Variants in AGBL5 observed in about 807,000 individuals in gnomAD.
The protein encoded by AGBL5 is AGBL carboxypeptidase 5, also known as cytosolic carboxypeptidase-like protein 5.
A neutral mutation model predicts 88.0 loss-of-function variants in AGBL5; 51 were observed. The observed-to-expected ratio is 0.58, with a 90% CI of 0.46 to 0.73. AGBL5 has a LOEUF of 0.73. Among genes scored for constraint, AGBL5 ranks in the 30% least tolerant of loss-of-function variants. The pLI, the probability that AGBL5 is intolerant of heterozygous loss-of-function variation, is 0.00. For synonymous variants in AGBL5, 446 were observed against 438.8 expected (o/e 1.02, Z -0.21); for missense variants, 1,031 against 1,162.2 (o/e 0.89, Z 1.64).
Position 27,067,651 on chromosome 2 carries a change from G to T in AGBL5, c.2242+5G>T. 1 of 1,611,666 alleles carries T rather than the reference G, an allele frequency of 6.2e-7. No homozygotes were observed. Among genetic ancestry groups the T allele is most frequent in the Non-Finnish European group, 8.5e-7 (1 of 1,178,310 alleles). ...CTGATTCATTCAACATACCAGGTCT[G>T]TACCCACTGCCACTGAAATCTGGGT... On this transcript the variant is annotated splice_donor_5th_base_variant and intron_variant, in intron 12 of 14. Coordinates refer to ENST00000360131, the MANE Select transcript of AGBL5 (RefSeq NM_021831.6).
chr2:27,067,716 C>CTAGTTGGGAGGCCAGGTTCTTTAAGCT, intron 12 of AGBL5, 70 bp downstream of exon 12: 1 of 1,579,864 alleles, frequency 6.3e-7, no homozygotes, highest in Non-Finnish European at 8.7e-7. Context: ...TTCTTTAAGC[C>CTAGTTGGGAGGCCAGGTTCTTTAAGCT]TAGTTGGGAG....
At chr2:27,051,194 G>A (rs1337481438), upstream of AGBL5, among the ~76,000 whole-genome samples, 8 of 152,180 alleles carry the variant, frequency 5.3e-5, no homozygotes, top group Non-Finnish European at 8.8e-5. Flanking sequence ...AAGGCAAAGG[G>A]AAAGAACTAA....
rs759747402 is a variant in AGBL5, at chr2:27,070,300, A to G, written c.*37A>G. On this transcript the variant is annotated 3_prime_UTR_variant, in exon 15 of 15. Coordinates refer to ENST00000360131, the MANE Select transcript of AGBL5 (RefSeq NM_021831.6). ...TGTTCAAGCCCAGGATATAGCCCCA[A>G]GATGGGGTAACAGTGGGAAATATGC... The G allele has an allele frequency of 3.1e-6, 5 of 1,601,222 alleles. No homozygotes were observed. The highest frequency in any genetic ancestry group is 4.3e-6 in the Non-Finnish European group (5 of 1,168,708).
chr2:27,062,435 T>A (rs1668760495), intron 11 of AGBL5: 1 of 152,158 alleles, frequency 6.6e-6, no homozygotes, highest in African/African-American at 2.4e-5. Context: ...TAGGCACTTT[T>A]TAATCACTAT....
intron 12 of AGBL5, 87 bp from the exon 13 acceptor site, chr2:27,068,545 G>A (rs898372727): frequency 6.8e-6 from 8 of 1,168,452 alleles, no homozygotes; most frequent in Admixed American, 6.6e-5. Context: ...AATTGTCAAC[G>A]TGCCAAGGTT....
intron 8 of AGBL5, chr2:27,057,075 C>A: frequency 1.8e-6 from 1 of 552,232 alleles, no homozygotes; most frequent in Non-Finnish European, 3.1e-6. Context: ...AAAAGAGAAC[C>A]TCACAATTAG....
chr2:27,064,722 A>AT (rs753038634), intron 11 of AGBL5, among the ~76,000 whole-genome samples: 1,176 of 80,396 alleles, frequency 0.015, 16 homozygotes, highest in African/African-American at 0.049. Context: ...TTTCCATTCA[A>AT]TTTTTTTTTT....
intron 11 of AGBL5, among the ~76,000 whole-genome samples, chr2:27,064,470 ATTTCT>A (rs1256823588): frequency 1.3e-5 from 2 of 149,804 alleles, no homozygotes; most frequent in African/African-American, 4.9e-5. Context: ...TGATTTTTGT[ATTTCT>A]TTTTTTAGTA....
At chr2:27,059,099 G>A in intron 10 of AGBL5, 91 bp from the exon 11 acceptor site, 1 of 1,293,076 alleles carries the variant, frequency 7.7e-7, no homozygotes, top group Non-Finnish European at 1.1e-6. Context: ...TTTTACCCCA[G>A]AGGTGAAGCT....
chr2:27,054,612 A>ATTTTTTTT lies in AGBL5; in HGVS notation c.552-16_552-9dup. The stretch of plus-strand genomic sequence containing the variant: ...GACTTTAGGGACTTCTCCTGGCTTA[A>ATTTTTTTT]TTTTTTTTTCCCTGTAGCCCCCTGG... On this transcript the variant is annotated splice_polypyrimidine_tract_variant and intron_variant, in intron 4 of 14. Coordinates refer to ENST00000360131, the MANE Select transcript of AGBL5 (RefSeq NM_021831.6). 1 of 1,597,356 alleles carries ATTTTTTTT rather than the reference A, an allele frequency of 6.3e-7. No homozygotes were observed.
intron 11 of AGBL5, among the ~76,000 whole-genome samples, chr2:27,063,991 A>G (rs946680830): frequency 6.6e-6 from 1 of 152,196 alleles, no homozygotes; most frequent in Non-Finnish European, 1.5e-5. Context: ...TTCCTGGGGT[A>G]GGGTGAAGGT....
chr2:27,064,716 C>T (rs1246408801), intron 11 of AGBL5, among the ~76,000 whole-genome samples: 2 of 148,236 alleles, frequency 1.3e-5, no homozygotes, highest in African/African-American at 2.5e-5. Flanking sequence ...TTTTTTTTTC[C>T]ATTCAATTTT....
intron 7 of AGBL5, 77 bp downstream of exon 7, chr2:27,056,215 G>A: frequency 2.0e-6 from 3 of 1,483,188 alleles, no homozygotes; most frequent in South Asian, 1.3e-5. Flanking sequence ...TGAACAGAAG[G>A]AAGATAGCCT....
intron 11 of AGBL5, among the ~76,000 whole-genome samples, chr2:27,063,380 CTCG>C (rs3832065): frequency 0.54 from 81,337 of 151,654 alleles, 23,089 homozygotes; most frequent in East Asian, 0.76. Flanking sequence ...ATCACGAGGT[CTCG>C]AGGAGATCGA....
chr2:27,055,816 C>G lies in AGBL5; in HGVS notation c.1043C>G (p.Ser348Cys), dbSNP rs1668396152. 6.2e-7 allele frequency: 1 copy of G among 1,614,218 alleles called. No individual in the cohort carries two copies. The highest frequency in any genetic ancestry group is 1.3e-5 in the African/African-American group (1 of 75,052). The change falls in exon 7 of 15, where the codon TCT (serine) becomes TGT (cysteine). Residue 348 changes from serine (S) to cysteine (C), a missense_variant. Coordinates refer to ENST00000360131, the MANE Select transcript of AGBL5 (RefSeq NM_021831.6). Reference protein sequence around the residue: ...VHSRLNSQSSSEHQPSSCLPP... With the variant: ...VHSRLNSQSSCEHQPSSCLPP... ...TCTCGTCTGAACTCCCAGAGTTCCT[C>G]TGAGCACCAGCCCAGTTCCTGTCTC... is the stretch of plus-strand genomic sequence containing the variant.
intron 10 of AGBL5, 37 bp downstream of exon 10, chr2:27,058,639 C>A (rs1668563309): frequency 6.2e-7 from 1 of 1,605,012 alleles, no homozygotes; most frequent in African/African-American, 1.3e-5. Context: ...AAGGGTAGGA[C>A]AGTGGGACAG....
rs199655513 is a variant in AGBL5 at position 27,069,651 on chromosome 2, C to A, written c.2434C>A (p.Pro812Thr). Residue 812 changes from proline (P) to threonine (T), a missense_variant, in exon 14 of 15, where the codon CCC (proline) becomes ACC (threonine). Physicochemically the swap from Pro to Thr is conservative, Grantham distance 38 (BLOSUM62 -1). Coordinates refer to ENST00000360131, the MANE Select transcript of AGBL5 (RefSeq NM_021831.6). Reference protein sequence around the residue: ...KGSSGPTSPTPRTRESSELEL... With the variant: ...KGSSGPTSPTTRTRESSELEL... ...CTCTTCAGGCCCCACATCCCCTACCCCCCGGACCAGGGAGAGCAGTGAGCT... is the reference window on the plus strand; with the variant it reads ...CTCTTCAGGCCCCACATCCCCTACCACCCGGACCAGGGAGAGCAGTGAGCT... The A allele has an allele frequency of 1.2e-6, 2 of 1,614,196 alleles. No homozygotes were observed. Among genetic ancestry groups the A allele is most frequent in the African/African-American group, 2.7e-5 (2 of 75,054 alleles).
chr2:27,055,040 A>C, intron 5 of AGBL5, 35 bp from the exon 6 acceptor site: 1 of 1,599,462 alleles, frequency 6.3e-7, no homozygotes, highest in Non-Finnish European at 8.6e-7. Flanking sequence ...ACTACAGGGT[A>C]ACTGACTTAA....
In AGBL5 at chr2:27,058,503, G is replaced by A. The variant is rs771699104; in HGVS notation, c.1775G>A (p.Trp592Ter). The A allele has an allele frequency of 1.2e-6, 2 of 1,614,168 alleles. No individual in the cohort carries two copies. Among genetic ancestry groups the A allele is most frequent in the Non-Finnish European group, 1.7e-6 (2 of 1,180,028 alleles). Residue 592 changes from tryptophan to a stop codon, truncating the protein, a stop_gained, in exon 10 of 15, where the codon TGG becomes TAG. Coordinates refer to ENST00000360131, the MANE Select transcript of AGBL5 (RefSeq NM_021831.6). LOFTEE classifies it high-confidence loss of function. ...AGCAGCCTTACTAATCTACGGGCCT[G>A]GATGCTGAAACATGTACGCAACAGC... Reference protein sequence around the residue: ...EHSSLTNLRAWMLKHVRNSRG... With the variant: ...EHSSLTNLRA
Sources: gnomAD v4.1 joint callset for allele counts (sites outside exome capture counted in the v4.1 genomes callset) on GRCh38, gnomAD v4.1.1 for gene constraint, MANE v1.5 for transcripts, NCBI Gene and HGNC (gene_info 2026-07-23, HGNC 2026-07-21) for gene names.